The following WDFY2 variants were observed in gnomAD, a reference collection of about 807,000 sequenced individuals.
WDFY2 encodes WD repeat and FYVE domain containing 2.
Under a neutral mutation model 56.4 loss-of-function variants are expected in WDFY2, and 36 were observed. The observed-to-expected ratio is 0.64, with a 90% confidence interval of 0.49 to 0.84. WDFY2 has a LOEUF of 0.84. Among genes scored for constraint, WDFY2 ranks in the 40% least tolerant of loss-of-function variants. The pLI is 0.00. For missense variants in WDFY2, 444 were observed against 512.2 expected (o/e 0.87, Z 1.29); for synonymous variants, 176 against 183.7 (o/e 0.96, Z 0.34).
At chr13:51,724,953 G>A (rs1411237028) in intron 5 of WDFY2, among the ~76,000 whole-genome samples, 1 of 152,098 alleles carries the variant, frequency 6.6e-6, no homozygotes, top group East Asian at 1.9e-4. Flanking sequence ...AGTTCATCTT[G>A]TACTTTTCCT....
intron 3 of WDFY2, among the ~76,000 whole-genome samples, chr13:51,685,202 G>A (rs1956040735): frequency 6.6e-6 from 1 of 152,192 alleles, no homozygotes; most frequent in Non-Finnish European, 1.5e-5. Flanking sequence ...ACAGAGCAGA[G>A]TTGAAAGACT....
At chr13:51,655,964 C>A (rs1004176099) in intron 1 of WDFY2, among the ~76,000 whole-genome samples, 3 of 150,566 alleles carry the variant, frequency 2.0e-5, no homozygotes, top group Non-Finnish European at 4.4e-5. Flanking sequence ...TCCTATAATC[C>A]TTTAAATTTC....
intron 1 of WDFY2, among the ~76,000 whole-genome samples, chr13:51,625,417 T>G (rs1425149188): frequency 6.6e-6 from 1 of 152,224 alleles, no homozygotes; most frequent in African/African-American, 2.4e-5. Flanking sequence ...TTTGTTCTGT[T>G]TTAAGGTGGG....
chr13:51,695,225 G>C (rs1427711381), intron 3 of WDFY2, among the ~76,000 whole-genome samples: 1 of 152,204 alleles, frequency 6.6e-6, no homozygotes, highest in East Asian at 1.9e-4. Flanking sequence ...TTGCTGGTGA[G>C]GAGCTGCGTT....
intron 1 of WDFY2, among the ~76,000 whole-genome samples, chr13:51,597,001 C>T (rs1045187722): frequency 2.0e-5 from 3 of 152,200 alleles, no homozygotes; most frequent in Non-Finnish European, 4.4e-5. Context: ...GAAAAGTTCT[C>T]TTGAGGCTCT....
chr13:51,735,283 C>T (rs1246014630), intron 6 of WDFY2, among the ~76,000 whole-genome samples: 1 of 152,214 alleles, frequency 6.6e-6, no homozygotes, highest in Non-Finnish European at 1.5e-5. Flanking sequence ...CTACTGAGCA[C>T]CTCCTGCATA....
intron 3 of WDFY2, among the ~76,000 whole-genome samples, chr13:51,694,069 A>C (rs1484682594): frequency 6.6e-6 from 1 of 151,824 alleles, no homozygotes; most frequent in Non-Finnish European, 1.5e-5. Flanking sequence ...TTTTGAGCCT[A>C]TGTGTGTCTC....
rs1213863945 is a variant in WDFY2 at position 51,762,827 on chromosome 13, TATC to T, written c.*3061_*3063del. The stretch of plus-strand genomic sequence containing the variant: ...GCTGAGAAAGTGGCAGATCTACACA[TATC>T]ATACGCAGAGTTGTTCTCTACCTGA... On this transcript the variant is annotated 3_prime_UTR_variant, in exon 12 of 12. Coordinates refer to ENST00000298125, the MANE Select transcript of WDFY2 (RefSeq NM_052950.4). 4.6e-5 allele frequency: 7 copies of T among 152,258 alleles called. No homozygotes were observed. Among genetic ancestry groups the T allele is most frequent in the Non-Finnish European group, 1.0e-4 (7 of 68,044 alleles). The allele number at this position is 152,258 out of a possible 1,614,324, so 9.4% of individuals were successfully genotyped here. A position where few individuals can be genotyped will look rare whatever the true frequency, so the allele number is the denominator to read the frequency against.
At chr13:51,585,715 A>G (rs954754915) in intron 1 of WDFY2, among the ~76,000 whole-genome samples, 1 of 152,242 alleles carries the variant, frequency 6.6e-6, no homozygotes, top group African/African-American at 2.4e-5. Context: ...CATTCTTACA[A>G]AAGAACACTG....
At chr13:51,738,950 C>A in intron 6 of WDFY2, 99 bp from the exon 7 acceptor site, 1 of 1,293,186 alleles carries the variant, frequency 7.7e-7, no homozygotes, top group Middle Eastern at 2.0e-4. Context: ...TATTGTATGC[C>A]AGGAACTGCA....
At chr13:51,600,513 G>A (rs1194971326) in intron 1 of WDFY2, among the ~76,000 whole-genome samples, 1 of 152,142 alleles carries the variant, frequency 6.6e-6, no homozygotes, top group Non-Finnish European at 1.5e-5. Flanking sequence ...CATGGCTGCC[G>A]GCTGCTCCTG....
intron 1 of WDFY2, among the ~76,000 whole-genome samples, chr13:51,598,905 C>CTTTTTTT (rs569169884): frequency 1.1e-4 from 13 of 115,738 alleles, no homozygotes; most frequent in East Asian, 2.7e-4. Context: ...GTGCCATTTA[C>CTTTTTTT]TTTTTTTTTT....
chr13:51,712,403 T>G (rs774425221), intron 4 of WDFY2, among the ~76,000 whole-genome samples: 2 of 152,134 alleles, frequency 1.3e-5, no homozygotes, highest in Non-Finnish European at 2.9e-5. Context: ...GTAACAAATC[T>G]GCACATTGTG....
chr13:51,710,510 G>A (rs1030841858), intron 4 of WDFY2, among the ~76,000 whole-genome samples: 34 of 151,988 alleles, frequency 2.2e-4, no homozygotes, highest in African/African-American at 3.9e-4. Context: ...CTGTGTTTGC[G>A]GATGACATGA....
At chr13:51,673,099 A>G (rs1408552354) in intron 2 of WDFY2, among the ~76,000 whole-genome samples, 1 of 152,236 alleles carries the variant, frequency 6.6e-6, no homozygotes, top group Non-Finnish European at 1.5e-5. Context: ...TCATTGTAGG[A>G]CATGCCTTGA....
intron 1 of WDFY2, among the ~76,000 whole-genome samples, chr13:51,610,769 G>C (rs1163559411): frequency 2.0e-5 from 3 of 152,138 alleles, no homozygotes; most frequent in Non-Finnish European, 2.9e-5. Context: ...TGTGTATTTG[G>C]TTGTTTTTAT....
At chr13:51,634,872 G>A (rs1026875813) in intron 1 of WDFY2, among the ~76,000 whole-genome samples, 2 of 152,104 alleles carry the variant, frequency 1.3e-5, no homozygotes, top group Non-Finnish European at 2.9e-5. Flanking sequence ...TTGGAGTAGA[G>A]GGAAGGGAAG....
chr13:51,699,087 C>G (rs912603412), intron 3 of WDFY2, among the ~76,000 whole-genome samples: 2 of 152,208 alleles, frequency 1.3e-5, no homozygotes, highest in African/African-American at 4.8e-5. Context: ...GAGGCCAAAG[C>G]CCAGAGGATC....
At chr13:51,658,581 T>C (rs1429950735) in intron 1 of WDFY2, among the ~76,000 whole-genome samples, 2 of 152,240 alleles carry the variant, frequency 1.3e-5, no homozygotes, top group Non-Finnish European at 2.9e-5. Flanking sequence ...TGGAGTGTCT[T>C]AGTCCACCAT....
Sources: allele counts gnomAD v4.1 joint callset (sites outside exome capture counted in the v4.1 genomes callset), GRCh38; gene constraint gnomAD v4.1.1; transcripts MANE v1.5; gene names NCBI Gene and HGNC (gene_info 2026-07-23, HGNC 2026-07-21).